Variants in ZNF552 observed in about 807,000 individuals in gnomAD.
ZNF552 encodes zinc finger protein 552.
Under a neutral mutation model 7.2 loss-of-function variants are expected in ZNF552, and 2 were observed. The ratio of observed to expected loss-of-function variants is 0.28; its 90% CI spans 0.11 to 0.88. The LOEUF is 0.88. Among genes scored for constraint, ZNF552 ranks in the 40% least tolerant of loss-of-function variants. ZNF552 has a pLI of 0.60. For synonymous variants in ZNF552, 173 were observed against 176.5 expected, an observed-to-expected ratio of 0.98 and a Z score of 0.16; for missense variants, 421 against 493.4, an observed-to-expected ratio of 0.85 and a Z score of 1.39.
Position 57,808,239 on chromosome 19 carries a change from T to A in ZNF552, c.1025A>T (p.His342Leu). 1 of 1,614,166 alleles carries A rather than the reference T, an allele frequency of 6.2e-7. No homozygotes were observed. ...SFTHSSTFRV[H>L]KRVHTGQKPY... ...CTTCTGACCAGTGTGAACTCTCTTA[T>A]GAACACGGAATGTAGAGCTGTGGGT... Residue 342 changes from histidine (H) to leucine (L), a missense_variant, in exon 3 of 3, where the codon CAT (histidine) becomes CTT (leucine). This residue lies in a region of ZNF552 where 299 missense variants were observed against 293.7 expected (regional missense o/e 1.02). Transcript: ENST00000391701.
In ZNF552 at chr19:57,814,808, C is replaced by A; in HGVS notation, c.-65G>T. On this transcript the variant is annotated 5_prime_UTR_variant, in exon 1 of 3. Coordinates refer to ENST00000391701, the MANE Select transcript of ZNF552 (RefSeq NM_024762.3). Reference sequence around the variant, plus strand: ...CCGTTAAAGAGCTGCAGAGTCACGTCTGTGCAAAGAGAAGAACGACTCTCG... The same window carrying A: ...CCGTTAAAGAGCTGCAGAGTCACGTATGTGCAAAGAGAAGAACGACTCTCG... 2 of 1,503,450 alleles carry A rather than the reference C, an allele frequency of 1.3e-6. No homozygotes were observed. The highest frequency in any genetic ancestry group is 1.8e-6 in the Non-Finnish European group (2 of 1,091,908). The allele number at this position is 1,503,450 out of a possible 1,614,324, so 93.1% of individuals were successfully genotyped here.
chr19:57,811,589 A>G (rs999884012), intron 2 of ZNF552, among the ~76,000 whole-genome samples: 1 of 151,978 alleles, frequency 6.6e-6, no homozygotes, highest in Non-Finnish European at 1.5e-5. Flanking sequence ...ATGGTGGCAC[A>G]TGCCTGTAAT....
chr19:57,808,123 C>T lies in ZNF552; in HGVS notation c.1141G>A (p.Gly381Arg), dbSNP rs772960330. ...AATTTTTTTTCACATTCACTGCACC[C>T]GTAAGGCTTTTCTCCAGTGTGAACT... ...RRVHTGEKPY[G>R]CSECEKKFRQ... The change falls in exon 3 of 3, where the codon GGG (glycine) becomes AGG (arginine). Residue 381 changes from glycine to arginine, a missense_variant. Around this residue, in one of 2 missense-constraint regions of ZNF552, gnomAD observed 299 missense variants for 293.7 expected, o/e 1.02. Transcript: ENST00000391701. 17 of 1,613,998 alleles carry T rather than the reference C, an allele frequency of 1.1e-5. No individual in the cohort carries two copies. The highest frequency in any genetic ancestry group is 1.6e-4 in the Middle Eastern group (1 of 6,084).
chr19:57,810,986 A>G (rs1461847190), intron 2 of ZNF552, among the ~76,000 whole-genome samples: 1 of 149,588 alleles, frequency 6.7e-6, no homozygotes, highest in Non-Finnish European at 1.5e-5. Flanking sequence ...TTTATGATGC[A>G]GAGACATTTG....
intron 1 of ZNF552, chr19:57,814,508 C>A: frequency 6.5e-7 from 1 of 1,536,574 alleles, no homozygotes; most frequent in Non-Finnish European, 8.7e-7. Context: ...CATCTCCAGG[C>A]CATTGCCCGC....
At chr19:57,809,947 C>T (rs1368533930) in intron 2 of ZNF552, among the ~76,000 whole-genome samples, 1 of 151,384 alleles carries the variant, frequency 6.6e-6, no homozygotes, top group African/African-American at 2.4e-5. Flanking sequence ...AGCAAAACCT[C>T]TCTACAAACA....
At chr19:57,810,246 G>A (rs975655085) in intron 2 of ZNF552, among the ~76,000 whole-genome samples, 3 of 152,100 alleles carry the variant, frequency 2.0e-5, no homozygotes, top group African/African-American at 4.8e-5. Flanking sequence ...GAGCTGGGCG[G>A]ATCACCTGAC....
Position 57,807,852 on chromosome 19 carries a change from G to C in ZNF552, c.*188C>G. On this transcript the variant is annotated 3_prime_UTR_variant, in exon 3 of 3. Coordinates refer to ENST00000391701, the MANE Select transcript of ZNF552 (RefSeq NM_024762.3). ...ATTCAGTGTTAACTATAATCCTGAAGGAATACAGAGGTGTGGCTACAAAAC... is the reference window on the plus strand; with the variant it reads ...ATTCAGTGTTAACTATAATCCTGAACGAATACAGAGGTGTGGCTACAAAAC... 1 of 854,672 alleles carries C rather than the reference G, an allele frequency of 1.2e-6. No homozygotes were observed. 52.9% of individuals were successfully genotyped at this position (854,672 alleles called of 1,614,324 possible). A position where few individuals can be genotyped will look rare whatever the true frequency, so the allele number is the denominator to read the frequency against.
intron 2 of ZNF552, chr19:57,813,051 G>A: frequency 1.8e-6 from 1 of 557,944 alleles, no homozygotes; most frequent in Non-Finnish European, 3.0e-6. Flanking sequence ...GGACAAACAA[G>A]GTAGCCTGCA....
chr19:57,808,783 T>TA lies in ZNF552; in HGVS notation c.480dup (p.Lys161Ter). On this transcript the variant is annotated frameshift_variant, in exon 3 of 3. Transcript: ENST00000391701. LOFTEE classifies it low-confidence loss of function (END_TRUNC). ...GATGACTCCCCTGACACATGCAACT[T>TA]ACACCTCTTCGCAAACAACGCCTCC... 6.2e-7 allele frequency: 1 copy of TA among 1,614,170 alleles called. No homozygotes were observed. Among genetic ancestry groups the TA allele is most frequent in the African/African-American group, 1.3e-5 (1 of 75,038 alleles).
In ZNF552 at chr19:57,808,183, A is replaced by T. The variant is rs764320912; in HGVS notation, c.1081T>A (p.Phe361Ile). 2.5e-5 allele frequency: 40 copies of T among 1,613,986 alleles called. 3 individuals are homozygous for T. In the Middle Eastern group the frequency reaches 4.9e-4, roughly 20 times the overall value. The change falls in exon 3 of 3, where the codon TTT (phenylalanine) becomes ATT (isoleucine). Residue 361 changes from phenylalanine to isoleucine, a missense_variant. This residue lies in a region of ZNF552 where 299 missense variants were observed against 293.7 expected (regional missense o/e 1.02). Transcript: ENST00000391701. ...PYECSECGKS[F>I]AESSSLTKHR... ...TTAGTGAGACTGGAGCTTTCGGCAA[A>T]AGATTTCCCACATTCACTGCACTCA...
chr19:57,808,369 C>T lies in ZNF552; in HGVS notation c.895G>A (p.Glu299Lys), dbSNP rs752658841. 1 of 1,613,410 alleles carries T rather than the reference C, an allele frequency of 6.2e-7. No homozygotes were observed. The highest frequency in any genetic ancestry group is 1.1e-5 in the South Asian group (1 of 91,026). Residue 299 changes from glutamate to lysine, a missense_variant, in exon 3 of 3, where the codon GAG becomes AAG. Transcript: ENST00000391701. Reference protein sequence around the residue: ...IHTGEKPYECEVCQKFFRHKY... With the variant: ...IHTGEKPYECKVCQKFFRHKY... ...TGCCTAAAAAATTTCTGACAAACCT[C>T]ACACTCATATGGCTTCTCTCCAGTG...
At chr19:57,814,482 T>C (rs916814154) in intron 1 of ZNF552, 2 of 1,532,680 alleles carry the variant, frequency 1.3e-6, no homozygotes, top group African/African-American at 1.4e-5. Flanking sequence ...CCAGGTTCCA[T>C]CCTCCCGGAT....
intron 1 of ZNF552, 26 bp from the exon 2 acceptor site, chr19:57,813,446 C>T (rs372864383): frequency 1.9e-6 from 3 of 1,609,226 alleles, no homozygotes; most frequent in Middle Eastern, 1.7e-4. Context: ...CAGATGAAAC[C>T]ACAAACCACC....
At chr19:57,813,933 G>C (rs953769705) in intron 1 of ZNF552, among the ~76,000 whole-genome samples, 5 of 151,046 alleles carry the variant, frequency 3.3e-5, no homozygotes, top group African/African-American at 1.2e-4. Context: ...AGTAGAGACA[G>C]GGTTTCTCCA....
intron 1 of ZNF552, 112 bp downstream of exon 1, chr19:57,814,599 G>T: frequency 6.3e-7 from 1 of 1,588,840 alleles, no homozygotes. Context: ...GCGCCTCAGT[G>T]TCCCGACGCC....
chr19:57,812,028 CAAAAAAAA>C (rs35699223), intron 2 of ZNF552, among the ~76,000 whole-genome samples: 7 of 63,760 alleles, frequency 1.1e-4, no homozygotes, highest in African/African-American at 3.9e-4. Flanking sequence ...GACTCTGTCT[CAAAAAAAA>C]AAAAAAAAAA....
rs1435802527 is a variant in ZNF552, at chr19:57,808,786, A to G, written c.478T>C (p.Cys160Arg). Residue 160 changes from cysteine (C) to arginine (R), a missense_variant, in exon 3 of 3, where the codon TGT becomes CGT. Cys to Arg is a radical substitution (Grantham distance 180). This residue lies in a region of ZNF552 where 299 missense variants were observed against 293.7 expected (regional missense o/e 1.02). Coordinates refer to ENST00000391701, the MANE Select transcript of ZNF552 (RefSeq NM_024762.3). ...GACTCCCCTGACACATGCAACTTAC[A>G]CCTCTTCGCAAACAACGCCTCCTCA... ...SVEEALFAKRCKLHVSGESSV... is the reference protein window; with the variant it reads ...SVEEALFAKRRKLHVSGESSV... 1 of 1,613,818 alleles carries G rather than the reference A, an allele frequency of 6.2e-7. No individual in the cohort carries two copies. Among genetic ancestry groups the G allele is most frequent in the Non-Finnish European group, 8.5e-7 (1 of 1,180,002 alleles).
chr19:57,809,052 T>A lies in ZNF552; in HGVS notation c.212A>T (p.Tyr71Phe). 1.3e-6 allele frequency: 2 copies of A among 1,541,836 alleles called. No individual in the cohort carries two copies. Among genetic ancestry groups the A allele is most frequent in the Non-Finnish European group, 1.7e-6 (2 of 1,144,478 alleles). The change falls in exon 3 of 3, where the codon TAT becomes TTT. Residue 71 changes from tyrosine to phenylalanine, a missense_variant. Around this residue, in one of 2 missense-constraint regions of ZNF552, gnomAD observed 122 missense variants for 199.7 expected, o/e 0.61. Coordinates refer to ENST00000391701, the MANE Select transcript of ZNF552 (RefSeq NM_024762.3). ...DEAAPSKQSI[Y>F]IQRETQVRTP... ...CCTGACCTGAGTCTCTCTTTGTATA[T>A]AAATACTCTGCTTAGAAGGTGCCGC...
Sources: gnomAD v4.1 joint callset for allele counts (sites outside exome capture counted in the v4.1 genomes callset) on GRCh38, gnomAD v4.1.1 for gene constraint, gnomAD v4.1.1 regional missense constraint, MANE v1.5 for transcripts, NCBI Gene and HGNC (gene_info 2026-07-23, HGNC 2026-07-21) for gene names.